The following TENM3 variants were observed in gnomAD, a reference collection of about 807,000 sequenced individuals.
TENM3 encodes the protein teneurin transmembrane protein 3.
Under a neutral mutation model 255.1 loss-of-function variants are expected in TENM3, and 63 were observed. The observed-to-expected ratio is 0.25, with a 90% CI of 0.20 to 0.30. TENM3 has a LOEUF of 0.30. Ranked by LOEUF, TENM3 falls within the 10% of genes least tolerant of loss-of-function variation. The pLI, the probability that TENM3 is intolerant of heterozygous loss-of-function variation, is 1.00. For missense variants in TENM3, 2,929 were observed against 3,461.1 expected (o/e 0.85, Z 3.86); for synonymous variants, 1,306 against 1,322.3 (o/e 0.99, Z 0.27).
the TENM3 span, chr4:181,834,782 G>A: frequency 6.6e-6 from 1 of 152,324 alleles, no homozygotes; most frequent in African/African-American, 2.4e-5. Context: ...GACAGATTTG[G>A]GGGTTGGTCT....
At chr4:182,457,642 C>T (rs1366138866) in intron 3 of TENM3, among the ~76,000 whole-genome samples, 1 of 150,724 alleles carries the variant, frequency 6.6e-6, no homozygotes, top group Non-Finnish European at 1.5e-5. Context: ...ACCACAGCCT[C>T]CAACTCCTAG....
At chr4:181,629,212 T>C in the TENM3 span, among the ~76,000 whole-genome samples, 1 of 152,224 alleles carries the variant, frequency 6.6e-6, no homozygotes, top group South Asian at 2.1e-4. Context: ...CTGAAGTTGC[T>C]TATCAGCTAT....
chr4:182,475,791 T>C (rs1733636555), intron 3 of TENM3, among the ~76,000 whole-genome samples: 1 of 152,208 alleles, frequency 6.6e-6, no homozygotes, highest in Non-Finnish European at 1.5e-5. Context: ...TGTCTGTCTG[T>C]ATTGAACAAT....
At chr4:181,836,183 G>GCGCACACACACA in the TENM3 span, among the ~76,000 whole-genome samples, 1 of 148,844 alleles carries the variant, frequency 6.7e-6, no homozygotes, top group South Asian at 2.1e-4. Context: ...ATACACACAT[G>GCGCACACACACA]CACACACACA....
intron 3 of TENM3, among the ~76,000 whole-genome samples, chr4:182,402,239 A>G (rs1308004165): frequency 6.6e-6 from 1 of 152,164 alleles, no homozygotes; most frequent in East Asian, 1.9e-4. Flanking sequence ...TTATTTTGCT[A>G]TTCTTAAATA....
the TENM3 span, among the ~76,000 whole-genome samples, chr4:181,510,241 C>G: frequency 6.6e-6 from 1 of 152,006 alleles, no homozygotes; most frequent in Non-Finnish European, 1.5e-5. Flanking sequence ...TTTTTTTCTT[C>G]CCTTTGAACA....
At chr4:181,756,817 C>T in the TENM3 span, among the ~76,000 whole-genome samples, 1 of 152,196 alleles carries the variant, frequency 6.6e-6, no homozygotes. Flanking sequence ...TCAGGACTGC[C>T]TAGCTCCTTC....
intron 3 of TENM3, among the ~76,000 whole-genome samples, chr4:182,477,620 T>C (rs552376709): frequency 6.6e-6 from 1 of 151,376 alleles, no homozygotes; most frequent in South Asian, 2.1e-4. Flanking sequence ...GATTGCATTC[T>C]ATGATTTTCC....
At chr4:181,694,897 C>T in the TENM3 span, among the ~76,000 whole-genome samples, 3 of 152,152 alleles carry the variant, frequency 2.0e-5, no homozygotes, top group Admixed American at 6.6e-5. Context: ...AGTATTATTC[C>T]AATTGCCTCT....
At chr4:181,498,026 A>T in the TENM3 span, among the ~76,000 whole-genome samples, 1 of 152,194 alleles carries the variant, frequency 6.6e-6, no homozygotes, top group Non-Finnish European at 1.5e-5. Flanking sequence ...AGTTTCAGTC[A>T]CGACTTTTAG....
the TENM3 span, among the ~76,000 whole-genome samples, chr4:181,814,875 T>C: frequency 6.6e-6 from 1 of 151,900 alleles, no homozygotes; most frequent in South Asian, 2.1e-4. Flanking sequence ...AGTTCAAACA[T>C]TTAGAAAGAA....
chr4:181,448,278 T>C, the TENM3 span, among the ~76,000 whole-genome samples: 1 of 139,874 alleles, frequency 7.1e-6, no homozygotes, highest in South Asian at 2.5e-4. Context: ...GCCATTCTCC[T>C]GCCTCAGCCT....
chr4:182,417,272 G>A (rs1266662492), intron 3 of TENM3, among the ~76,000 whole-genome samples: 4 of 151,774 alleles, frequency 2.6e-5, no homozygotes, highest in Non-Finnish European at 4.4e-5. Flanking sequence ...CACCGAGCCC[G>A]GCCTCCATTT....
At chr4:182,092,388 C>T in the TENM3 span, among the ~76,000 whole-genome samples, 1 of 152,228 alleles carries the variant, frequency 6.6e-6, no homozygotes. Flanking sequence ...TGGCTCATGC[C>T]TATAATCCCA....
the TENM3 span, among the ~76,000 whole-genome samples, chr4:182,113,917 C>T: frequency 6.6e-6 from 1 of 152,166 alleles, no homozygotes; most frequent in African/African-American, 2.4e-5. Context: ...ATATACTCAT[C>T]ATTTAATTTC....
At chr4:182,527,163 G>A (rs969086112) in intron 3 of TENM3, among the ~76,000 whole-genome samples, 1 of 152,132 alleles carries the variant, frequency 6.6e-6, no homozygotes, top group African/African-American at 2.4e-5. Flanking sequence ...AGGTAATACA[G>A]TCAAATAAAA....
At chr4:181,668,358 A>G in the TENM3 span, among the ~76,000 whole-genome samples, 1 of 152,178 alleles carries the variant, frequency 6.6e-6, no homozygotes, top group Non-Finnish European at 1.5e-5. Flanking sequence ...TTAGTTTACT[A>G]CAGATGCCAT....
intron 1 of TENM3, among the ~76,000 whole-genome samples, chr4:182,295,810 G>A (rs1243519731): frequency 2.0e-5 from 3 of 152,026 alleles, no homozygotes; most frequent in East Asian, 1.9e-4. Flanking sequence ...TCTGGATAAC[G>A]CATTCACAAG....
chr4:182,323,653 C>T (rs1374106195), intron 1 of TENM3, among the ~76,000 whole-genome samples: 1 of 152,054 alleles, frequency 6.6e-6, no homozygotes, highest in East Asian at 1.9e-4. Flanking sequence ...TAGCTGGCTT[C>T]TGTAGTGAAA....
Sources: gnomAD v4.1 joint callset for allele counts (sites outside exome capture counted in the v4.1 genomes callset) on GRCh38, gnomAD v4.1.1 for gene constraint, MANE v1.5 for transcripts, NCBI Gene and HGNC (gene_info 2026-07-23, HGNC 2026-07-21) for gene names.